LRMDA: variants seen among roughly 807,000 people sequenced by gnomAD.
LRMDA encodes the protein leucine rich melanocyte differentiation associated, also known as leucine-rich melanocyte differentiation-associated protein.
Under a neutral mutation model 29.8 loss-of-function variants are expected in LRMDA, and 18 were observed. The ratio of observed to expected loss-of-function variants is 0.60; its 90% CI spans 0.42 to 0.90. LRMDA has a LOEUF of 0.90. LRMDA is among the 40% of genes least tolerant of loss of function. The pLI is 0.00. For missense variants in LRMDA, 273 were observed against 273.9 expected (o/e 1.00, Z 0.02); for synonymous variants, 125 against 109.4 (o/e 1.14, Z -0.89).
chr10:76,228,898 A>G (rs1226373367), intron 5 of LRMDA, among the ~76,000 whole-genome samples: 7 of 152,244 alleles, frequency 4.6e-5, no homozygotes, highest in South Asian at 2.1e-4. Flanking sequence ...TATTTAAACT[A>G]TAGCTTAAAT....
At chr10:76,541,504 A>C (rs1430846191) in intron 6 of LRMDA, among the ~76,000 whole-genome samples, 1 of 152,196 alleles carries the variant, frequency 6.6e-6, no homozygotes, top group Non-Finnish European at 1.5e-5. Flanking sequence ...ATCTTAAAAA[A>C]GAGAAGGATA....
chr10:75,971,281 G>A (rs1419089108), intron 2 of LRMDA, among the ~76,000 whole-genome samples: 4 of 152,196 alleles, frequency 2.6e-5, no homozygotes, highest in Admixed American at 1.3e-4. Context: ...CAGCCTCCCC[G>A]TCTGCTGTTT....
chr10:75,561,037 T>G (rs1452853866), intron 2 of LRMDA, among the ~76,000 whole-genome samples: 1 of 151,298 alleles, frequency 6.6e-6, no homozygotes, highest in African/African-American at 2.4e-5. Flanking sequence ...ATCAGGATGA[T>G]GCTGGCCTCA....
chr10:76,201,069 T>TTTTATTTA (rs57777695), intron 5 of LRMDA, among the ~76,000 whole-genome samples: 750 of 141,236 alleles, frequency 5.3e-3, no homozygotes, highest in Admixed American at 8.3e-3. Context: ...GTATTATTAT[T>TTTTATTTA]TTTATTTATT....
At chr10:76,276,819 G>A (rs1010245271) in intron 5 of LRMDA, among the ~76,000 whole-genome samples, 1 of 152,050 alleles carries the variant, frequency 6.6e-6, no homozygotes, top group East Asian at 1.9e-4. Flanking sequence ...ATTTCTTTCA[G>A]ACTATGGGTT....
intron 5 of LRMDA, among the ~76,000 whole-genome samples, chr10:76,139,844 T>G (rs902540643): frequency 6.6e-6 from 1 of 152,068 alleles, no homozygotes; most frequent in Non-Finnish European, 1.5e-5. Flanking sequence ...AGGTTAGCAG[T>G]TTTCTTAGAC....
chr10:76,377,039 C>T (rs905010468), intron 6 of LRMDA, among the ~76,000 whole-genome samples: 1 of 151,886 alleles, frequency 6.6e-6, no homozygotes, highest in Non-Finnish European at 1.5e-5. Flanking sequence ...GTGCCTGCCA[C>T]CACACCTGGC....
intron 2 of LRMDA, among the ~76,000 whole-genome samples, chr10:75,982,298 C>T (rs1464930820): frequency 6.6e-6 from 1 of 152,200 alleles, no homozygotes; most frequent in Non-Finnish European, 1.5e-5. Flanking sequence ...TCTTCTCTCA[C>T]TTGGAAAGGG....
rs1433389068 is a variant in LRMDA at position 76,496,561 on chromosome 10, T to A, written c.602-60648T>A. ...AGGGTGGGTATGAAAGTGATTCCTGTTAGTTTATCTGGTTGGAATTGAAAG... is the reference window on the plus strand; with the variant it reads ...AGGGTGGGTATGAAAGTGATTCCTGATAGTTTATCTGGTTGGAATTGAAAG... On this transcript the variant is annotated intron_variant, in intron 6 of 6. Coordinates refer to ENST00000611255, the MANE Select transcript of LRMDA (RefSeq NM_001305581.2). Among the ~76,000 whole-genome samples the A allele has an allele frequency of 2.6e-5, 2 of 75,612 alleles. 1 individual carries two copies. Among genetic ancestry groups the A allele is most frequent in the Non-Finnish European group, 8.8e-5 (2 of 22,762 alleles). The allele number at this position is 75,612 out of a possible 152,430, so 49.6% of individuals were successfully genotyped here.
chr10:76,248,095 A>G (rs538738173), intron 5 of LRMDA, among the ~76,000 whole-genome samples: 66 of 152,274 alleles, frequency 4.3e-4, no homozygotes, highest in African/African-American at 1.6e-3. Flanking sequence ...TCTTACCCCA[A>G]TAGTCCAGGA....
intron 2 of LRMDA, among the ~76,000 whole-genome samples, chr10:75,636,788 G>T (rs1201640302): frequency 6.6e-6 from 1 of 151,950 alleles, no homozygotes; most frequent in Admixed American, 6.6e-5. Flanking sequence ...CCTCTGTGGA[G>T]TCCACCTGGG....
intron 5 of LRMDA, among the ~76,000 whole-genome samples, chr10:76,274,039 A>C (rs1840100310): frequency 6.6e-6 from 1 of 152,122 alleles, no homozygotes; most frequent in African/African-American, 2.4e-5. Flanking sequence ...AAGATATTTG[A>C]AGGTATTTGT....
chr10:76,450,153 T>C (rs1842391992), intron 6 of LRMDA, among the ~76,000 whole-genome samples: 1 of 152,118 alleles, frequency 6.6e-6, no homozygotes, highest in African/African-American at 2.4e-5. Context: ...AATGTTTTTA[T>C]GATTTTAAGC....
At chr10:75,835,837 T>C (rs1844424917) in intron 2 of LRMDA, among the ~76,000 whole-genome samples, 1 of 152,106 alleles carries the variant, frequency 6.6e-6, no homozygotes, top group Non-Finnish European at 1.5e-5. Context: ...AAATGGTGAG[T>C]TTTAGTTGCT....
chr10:75,547,321 C>T (rs529042581), intron 2 of LRMDA, among the ~76,000 whole-genome samples: 1 of 152,278 alleles, frequency 6.6e-6, no homozygotes, highest in African/African-American at 2.4e-5. Context: ...AAGACCAGGC[C>T]TATGTGGGAG....
chr10:75,780,424 G>A (rs1370436043), intron 2 of LRMDA, among the ~76,000 whole-genome samples: 1 of 152,180 alleles, frequency 6.6e-6, no homozygotes, highest in African/African-American at 2.4e-5. Context: ...AGTACCAAGA[G>A]TAAGGGATAG....
chr10:76,532,406 T>G (rs561724739), intron 6 of LRMDA, among the ~76,000 whole-genome samples: 7 of 152,352 alleles, frequency 4.6e-5, no homozygotes, highest in African/African-American at 1.4e-4. Context: ...TTTATACATT[T>G]ATTTATTCAT....
At chr10:75,531,482 G>T (rs937782452) in intron 2 of LRMDA, among the ~76,000 whole-genome samples, 6 of 152,152 alleles carry the variant, frequency 3.9e-5, no homozygotes, top group Admixed American at 3.3e-4. Flanking sequence ...TCCCAACCCT[G>T]TACTCCCATC....
intron 6 of LRMDA, among the ~76,000 whole-genome samples, chr10:76,379,692 T>G (rs1043133722): frequency 1.3e-5 from 2 of 152,150 alleles, no homozygotes; most frequent in Non-Finnish European, 2.9e-5. Flanking sequence ...CTTTGTGTTG[T>G]TTTTTGATTT....
Sources: gnomAD v4.1 joint callset for allele counts (sites outside exome capture counted in the v4.1 genomes callset) on GRCh38, gnomAD v4.1.1 for gene constraint, MANE v1.5 for transcripts, NCBI Gene and HGNC (gene_info 2026-07-23, HGNC 2026-07-21) for gene names.